DOCK3: variants seen among roughly 807,000 people sequenced by gnomAD.
DOCK3 encodes dedicator of cytokinesis 3.
In DOCK3, 60 loss-of-function variants were observed where a neutral mutation model predicts 265.6. The ratio of observed to expected loss-of-function variants is 0.23; its 90% CI spans 0.18 to 0.28. DOCK3 has a LOEUF of 0.28. Among genes scored for constraint, DOCK3 ranks in the 10% least tolerant of loss-of-function variants. The pLI, the probability that DOCK3 is intolerant of heterozygous loss-of-function variation, is 1.00. For synonymous variants in DOCK3, 881 were observed against 938.0 expected (o/e 0.94, Z 1.11); for missense variants, 1,981 against 2,594.3 (o/e 0.76, Z 5.14).
chr3:51,147,114 T>C (rs146743661), intron 10 of DOCK3, among the ~76,000 whole-genome samples: 1,879 of 150,726 alleles, frequency 0.012, 47 homozygotes, highest in African/African-American at 0.042. Flanking sequence ...CCAGACCCTG[T>C]CTCAAAAAAA....
chr3:51,317,602 T>C (rs1434690882), intron 32 of DOCK3, among the ~76,000 whole-genome samples: 1 of 147,146 alleles, frequency 6.8e-6, no homozygotes, highest in East Asian at 2.0e-4. Context: ...ATAATAATAA[T>C]AATAATAATA....
rs1173953252 is a variant in DOCK3, at chr3:51,127,988, C to G, written c.747-18561C>G. The stretch of plus-strand genomic sequence containing the variant: ...AGTAGACTGATTTCATCTTGATAGT[C>G]CAGGTCAGTCACCTCAACCAACACT... On this transcript the variant is annotated intron_variant, in intron 9 of 52. Coordinates refer to ENST00000266037, the MANE Select transcript of DOCK3 (RefSeq NM_004947.5). Among the ~76,000 whole-genome samples, 9 of 152,182 alleles carry G rather than the reference C, an allele frequency of 5.9e-5. No individual in the cohort carries two copies. The East Asian group carries it at 1.7e-3, about 29-fold the overall frequency.
At chr3:51,019,325 C>T (rs1487804507) in intron 5 of DOCK3, among the ~76,000 whole-genome samples, 1 of 151,882 alleles carries the variant, frequency 6.6e-6, no homozygotes, top group African/African-American at 2.4e-5. Context: ...ATTAGTTGAA[C>T]AGGCACCTCA....
intron 5 of DOCK3, among the ~76,000 whole-genome samples, chr3:50,980,510 T>C (rs890224365): frequency 6.6e-6 from 1 of 152,308 alleles, no homozygotes; most frequent in Non-Finnish European, 1.5e-5. Flanking sequence ...CTTCAGTTTT[T>C]TGAAATAGTT....
intron 7 of DOCK3, among the ~76,000 whole-genome samples, chr3:51,083,368 T>A (rs2082308524): frequency 6.6e-6 from 1 of 152,148 alleles, no homozygotes; most frequent in Admixed American, 6.5e-5. Flanking sequence ...CATATCAATG[T>A]AAGGACACAA....
intron 2 of DOCK3, among the ~76,000 whole-genome samples, chr3:50,799,201 T>C (rs921802549): frequency 5.3e-5 from 8 of 152,214 alleles, no homozygotes; most frequent in African/African-American, 1.9e-4. Context: ...ATTTGGGATC[T>C]TTTCTGGTTC....
intron 4 of DOCK3, among the ~76,000 whole-genome samples, chr3:50,921,832 G>A (rs1385656785): frequency 6.6e-6 from 1 of 152,184 alleles, no homozygotes; most frequent in African/African-American, 2.4e-5. Context: ...TCCAGACCCT[G>A]TTTGCCTGGG....
intron 1 of DOCK3, among the ~76,000 whole-genome samples, chr3:50,703,670 G>A (rs1244375855): frequency 6.6e-6 from 1 of 151,596 alleles, no homozygotes; most frequent in Non-Finnish European, 1.5e-5. Flanking sequence ...TATCAGTTGT[G>A]ATGTCTTCTG....
intron 9 of DOCK3, among the ~76,000 whole-genome samples, chr3:51,110,663 A>G (rs1214207879): frequency 1.3e-5 from 2 of 152,222 alleles, no homozygotes; most frequent in Non-Finnish European, 2.9e-5. Flanking sequence ...CTCTCAATGA[A>G]CTAGATATTG....
intron 35 of DOCK3, chr3:51,336,807 G>A (rs1472098327): frequency 2.2e-6 from 1 of 451,484 alleles, no homozygotes; most frequent in African/African-American, 2.0e-5. Flanking sequence ...TGAAGTTCTG[G>A]TTATGGCCAA....
chr3:51,379,330 G>A, intron 51 of DOCK3: 1 of 952,714 alleles, frequency 1.0e-6, no homozygotes, highest in Non-Finnish European at 1.2e-6. Context: ...CCAGGTGCTG[G>A]CATGCCCCAC....
intron 6 of DOCK3, 63 bp downstream of exon 6, chr3:51,064,659 G>C: frequency 6.3e-7 from 1 of 1,576,664 alleles, no homozygotes; most frequent in Non-Finnish European, 8.7e-7. Flanking sequence ...TCTTCAGGGA[G>C]TTTGCACCTA....
chr3:50,685,775 T>A, intron 1 of DOCK3: 1 of 210,502 alleles, frequency 4.8e-6, no homozygotes, highest in Non-Finnish European at 1.1e-5. Context: ...AAAGGAGACG[T>A]GGCTCAAGGG....
intron 12 of DOCK3, among the ~76,000 whole-genome samples, chr3:51,183,508 G>A (rs971133044): frequency 1.3e-5 from 2 of 152,038 alleles, no homozygotes; most frequent in African/African-American, 4.8e-5. Context: ...TCCCTATAGG[G>A]TCTAAATGGT....
rs1392365214 is a variant in DOCK3 at position 50,800,367 on chromosome 3, CTTG to C, written c.121+21612_121+21614del. Reference sequence around the variant, plus strand: ...CTTTTATTACTGAGTTGTCTCATTACTTGTTATTATTGTTATTGGTTCAGATTT... The same window carrying C: ...CTTTTATTACTGAGTTGTCTCATTACTTATTATTGTTATTGGTTCAGATTT... On this transcript the variant is annotated intron_variant, in intron 2 of 52. Transcript: ENST00000266037. Among the ~76,000 whole-genome samples, 4 of 151,408 alleles carry C rather than the reference CTTG, an allele frequency of 2.6e-5. No homozygotes were observed. In the South Asian group the frequency reaches 6.2e-4, roughly 24 times the overall value.
At chr3:51,290,477 T>C (rs911768798) in intron 27 of DOCK3, among the ~76,000 whole-genome samples, 3 of 151,980 alleles carry the variant, frequency 2.0e-5, no homozygotes, top group African/African-American at 2.4e-5. Flanking sequence ...TAGGTGGGAA[T>C]TGAACAATGA....
intron 5 of DOCK3, among the ~76,000 whole-genome samples, chr3:50,943,638 A>G (rs1211372686): frequency 6.6e-6 from 1 of 152,168 alleles, no homozygotes. Flanking sequence ...GAAAAATAAA[A>G]CTTTTATTTA....
chr3:50,682,006 G>T (rs1282108549), intron 1 of DOCK3, among the ~76,000 whole-genome samples: 4 of 152,212 alleles, frequency 2.6e-5, no homozygotes, highest in Non-Finnish European at 4.4e-5. Context: ...TCCTTATTGA[G>T]TAGACTAATG....
At chr3:51,234,069 C>G (rs1158269407) in intron 19 of DOCK3, among the ~76,000 whole-genome samples, 4 of 152,182 alleles carry the variant, frequency 2.6e-5, no homozygotes, top group African/African-American at 9.7e-5. Context: ...AACCTCTATA[C>G]TGTTTTCCAT....
Sources: gnomAD v4.1 joint callset for allele counts (sites outside exome capture counted in the v4.1 genomes callset) on GRCh38, gnomAD v4.1.1 for gene constraint, MANE v1.5 for transcripts, NCBI Gene and HGNC (gene_info 2026-07-23, HGNC 2026-07-21) for gene names.